Variants in FAM53A observed in about 807,000 individuals in gnomAD.
FAM53A encodes the protein protein FAM53A.
FAM53A carries 28 observed loss-of-function variants against 26.6 expected under a neutral mutation model. The ratio of observed to expected loss-of-function variants is 1.05; its 90% CI spans 0.78 to 1.45. The LOEUF is 1.45. Among genes scored for constraint, FAM53A ranks in the 40% most tolerant of loss-of-function variants. The pLI is 0.00. For synonymous variants in FAM53A, 290 were observed against 253.1 expected (o/e 1.15, Z -1.38); for missense variants, 650 against 575.8 (o/e 1.13, Z -1.32).
intron 1 of FAM53A, among the ~76,000 whole-genome samples, chr4:1,683,016 G>A (rs1018546422): frequency 2.0e-5 from 3 of 152,146 alleles, no homozygotes; most frequent in Admixed American, 1.3e-4. Flanking sequence ...ACAGCACGGG[G>A]AATCAACTAT....
chr4:1,671,031 C>G (rs1181597515), intron 1 of FAM53A, among the ~76,000 whole-genome samples: 1 of 145,904 alleles, frequency 6.9e-6, no homozygotes, highest in Admixed American at 6.9e-5. Flanking sequence ...AGCCACGGCC[C>G]GGACTCACCT....
intron 1 of FAM53A, among the ~76,000 whole-genome samples, chr4:1,681,815 T>A (rs371698618): frequency 6.6e-6 from 1 of 152,064 alleles, no homozygotes; most frequent in South Asian, 2.1e-4. Flanking sequence ...GAAATTCAAA[T>A]CGTAAAATGA....
chr4:1,653,265 C>CCA (rs1031177177), intron 4 of FAM53A, among the ~76,000 whole-genome samples: 2 of 152,190 alleles, frequency 1.3e-5, no homozygotes, highest in African/African-American at 4.8e-5. Context: ...TTGCCTCTAC[C>CCA]CACACCTCAC....
chr4:1,589,276 A>G, the FAM53A span, among the ~76,000 whole-genome samples: 4 of 152,320 alleles, frequency 2.6e-5, no homozygotes, highest in Admixed American at 6.5e-5. Context: ...CACGAGGTAA[A>G]TCATGTCAAT....
At chr4:1,577,905 G>T in the FAM53A span, among the ~76,000 whole-genome samples, 1 of 151,702 alleles carries the variant, frequency 6.6e-6, no homozygotes. Flanking sequence ...AGGGCTGCGG[G>T]TCGGGGGCTG....
At chr4:1,584,901 G>A in the FAM53A span, among the ~76,000 whole-genome samples, 1 of 152,246 alleles carries the variant, frequency 6.6e-6, no homozygotes, top group Non-Finnish European at 1.5e-5. Context: ...CAGAGTTAAG[G>A]AGAGGAGACA....
At chr4:1,576,529 C>T in the FAM53A span, among the ~76,000 whole-genome samples, 2 of 152,238 alleles carry the variant, frequency 1.3e-5, no homozygotes, top group Non-Finnish European at 2.9e-5. Flanking sequence ...ATCAGCACCG[C>T]GAGAAGGGGC....
chr4:1,663,861 A>T (rs1442976336), intron 2 of FAM53A, among the ~76,000 whole-genome samples: 2 of 151,964 alleles, frequency 1.3e-5, no homozygotes, highest in African/African-American at 2.4e-5. Flanking sequence ...AAAAAAAGCT[A>T]AATCAACTTT....
the FAM53A span, among the ~76,000 whole-genome samples, chr4:1,612,766 C>T: frequency 1.4e-4 from 21 of 152,218 alleles, no homozygotes; most frequent in African/African-American, 5.1e-4. Flanking sequence ...TTCACAAGTG[C>T]ACACATGTAC....
intron 2 of FAM53A, among the ~76,000 whole-genome samples, chr4:1,668,323 A>G (rs1291429037): frequency 2.6e-5 from 4 of 152,130 alleles, no homozygotes; most frequent in Non-Finnish European, 4.4e-5. Context: ...TATTTTTAGT[A>G]GAGACGGGGT....
chr4:1,596,878 A>T, the FAM53A span, among the ~76,000 whole-genome samples: 1 of 152,172 alleles, frequency 6.6e-6, no homozygotes, highest in Non-Finnish European at 1.5e-5. Flanking sequence ...AGACAGAGAC[A>T]GTGGGAGAGA....
At chr4:1,637,201 G>T (rs1375902578), downstream of FAM53A, among the ~76,000 whole-genome samples, 2 of 152,132 alleles carry the variant, frequency 1.3e-5, no homozygotes, top group Non-Finnish European at 2.9e-5. Context: ...GGGGGGTGGG[G>T]GCGGGGATGG....
rs1325948035 is a variant in FAM53A at position 1,623,051 on chromosome 4, G to C, written c.432-4940C>G. Among the ~76,000 whole-genome samples the C allele has an allele frequency of 2.0e-5, 3 of 152,198 alleles. No homozygotes were observed. The East Asian group carries it at 5.8e-4, about 29-fold the overall frequency. ...GCTGAAGCAGCCCCCACGGTCACAG[G>C]GCTGACAGTGGCACCTGAGGCTCTG... On this transcript the variant is annotated intron_variant, in intron 1 of 1. Transcript: ENST00000489029.
intron 1 of FAM53A, among the ~76,000 whole-genome samples, chr4:1,629,694 C>T (rs1715524303): frequency 6.6e-6 from 1 of 152,236 alleles, no homozygotes; most frequent in Non-Finnish European, 1.5e-5. Flanking sequence ...GGCTCTCAGG[C>T]CCAGACTCAG....
the FAM53A span, among the ~76,000 whole-genome samples, chr4:1,607,562 G>C: frequency 6.6e-6 from 1 of 151,352 alleles, no homozygotes; most frequent in African/African-American, 2.4e-5. Flanking sequence ...TCATCCATTC[G>C]GGCCTAAGTG....
intron 1 of FAM53A, among the ~76,000 whole-genome samples, chr4:1,680,132 C>T (rs1382990365): frequency 6.6e-6 from 1 of 151,634 alleles, no homozygotes; most frequent in Non-Finnish European, 1.5e-5. Context: ...CCAGCCTGGC[C>T]AACGTGGAGA....
At chr4:1,623,569 C>T (rs968499509) in intron 1 of FAM53A, among the ~76,000 whole-genome samples, 1 of 152,212 alleles carries the variant, frequency 6.6e-6, no homozygotes, top group Admixed American at 6.5e-5. Flanking sequence ...GCCCCTCCTG[C>T]GGTGGGTGGC....
At chr4:1,652,849 CCA>C (rs1321227711) in intron 4 of FAM53A, among the ~76,000 whole-genome samples, 1 of 147,492 alleles carries the variant, frequency 6.8e-6, no homozygotes, top group African/African-American at 2.5e-5. Context: ...ACGCTACACA[CCA>C]CACAGCACAC....
At position 1,668,857 on chromosome 4, in the gene FAM53A, T is replaced by G. The variant is rs1714433092; in HGVS notation, c.-116A>C. ...CAAATCTCAAGGTCATGTCTCCACT[T>G]TCTTTACAGATGAGCAGTCCACGCC... On this transcript the variant is annotated 5_prime_UTR_variant, in exon 2 of 5. Transcript: ENST00000308132. 1.1e-6 allele frequency: 1 copy of G among 923,570 alleles called. No homozygotes were observed. The highest frequency in any genetic ancestry group is 1.7e-6 in the Non-Finnish European group (1 of 586,034). The allele number at this position is 923,570 out of a possible 1,614,324, so 57.2% of individuals were successfully genotyped here. A position where few individuals can be genotyped will look rare whatever the true frequency, so the allele number is the denominator to read the frequency against.
Sources: gnomAD v4.1 joint callset for allele counts (sites outside exome capture counted in the v4.1 genomes callset) on GRCh38, gnomAD v4.1.1 for gene constraint, MANE v1.5 for transcripts, NCBI Gene and HGNC (gene_info 2026-07-23, HGNC 2026-07-21) for gene names.